OR5V1: variants seen among roughly 807,000 people sequenced by gnomAD.
OR5V1 encodes olfactory receptor 5V1.
For synonymous variants in OR5V1, 134 were observed against 143.2 expected, an observed-to-expected ratio of 0.94 and a Z score of 0.46; for missense variants, 365 against 371.5, an observed-to-expected ratio of 0.98 and a Z score of 0.14.
chr6:29,355,986 G>T lies in OR5V1; in HGVS notation c.210C>A (p.Asp70Glu). The stretch of plus-strand genomic sequence containing the variant: ...GGACATTGCTGGTGGTGTAGCAGAT[G>T]TCAATAAAGGCCAAGTTCCCTAGAA... ...YYFLGNLAFI[D>E]ICYTTSNVPQ... The change falls in exon 2 of 2, where the codon GAC becomes GAA. Residue 70 changes from aspartate (D) to glutamate (E), a missense_variant. Transcript: ENST00000641768. The T allele has an allele frequency of 6.2e-7, 1 of 1,614,048 alleles. No individual in the cohort carries two copies. Among genetic ancestry groups the T allele is most frequent in the South Asian group, 1.1e-5 (1 of 91,082 alleles).
At chr6:29,357,510 A>G (rs566129140) in intron 1 of OR5V1, among the ~76,000 whole-genome samples, 2 of 152,294 alleles carry the variant, frequency 1.3e-5, no homozygotes, top group South Asian at 4.1e-4. Flanking sequence ...CGTTCATACA[A>G]CTGAATTATT....
chr6:29,355,852 A>G lies in OR5V1; in HGVS notation c.344T>C (p.Leu115Pro), dbSNP rs778522183. The G allele has an allele frequency of 6.2e-7, 1 of 1,614,068 alleles. No homozygotes were observed. Among genetic ancestry groups the G allele is most frequent in the South Asian group, 1.1e-5 (1 of 91,084 alleles). ...VFFVGSECLL[L>P]AAMAYDRYIA... is the part of the protein sequence containing the mutation. ...GTAACGATCATATGCCATTGCTGCC[A>G]GTAGGAGACACTCTGATCCTACAAA... is the stretch of plus-strand genomic sequence containing the variant. Residue 115 changes from leucine to proline, a missense_variant, in exon 2 of 2, where the codon CTG (leucine) becomes CCG (proline). Coordinates refer to ENST00000641768, the MANE Select transcript of OR5V1 (RefSeq NM_030876.6).
chr6:29,355,406 A>G lies in OR5V1; in HGVS notation c.790T>C (p.Ser264Pro). 6.2e-7 allele frequency: 1 copy of G among 1,614,030 alleles called. No homozygotes were observed. The highest frequency in any genetic ancestry group is 8.5e-7 in the Non-Finnish European group (1 of 1,179,888). ...CTATCTTTCTTTAATGAGTAAGTTG[A>G]GATGGGCCGTACATATGTAAAGATG... ...SAIFTYVRPI[S>P]TYSLKKDRLV... Residue 264 changes from serine (S) to proline (P), a missense_variant, in exon 2 of 2, where the codon TCA (serine) becomes CCA (proline). Physicochemically the swap from Ser to Pro is moderately conservative, Grantham distance 74. Transcript: ENST00000641768.
chr6:29,362,064 A>C (rs1778588850), intron 1 of OR5V1, among the ~76,000 whole-genome samples: 1 of 152,218 alleles, frequency 6.6e-6, no homozygotes, highest in South Asian at 2.1e-4. Flanking sequence ...AGACACACAT[A>C]GGCTCAAAAC....
At chr6:29,366,871 C>T (rs146731552) in intron 1 of OR5V1, among the ~76,000 whole-genome samples, 51 of 152,274 alleles carry the variant, frequency 3.3e-4, no homozygotes, top group African/African-American at 1.2e-3. Flanking sequence ...GCCCACCTCC[C>T]TTCTCAGGGT....
rs759953576 is a variant in OR5V1 at position 29,355,682 on chromosome 6, T to A, written c.514A>T (p.Asn172Tyr). ...TCACAGAAGAAGTAATTAATCTGAT[T>A]GTTGCCACAGAAGGGCAGGCAGAAT... is the stretch of plus-strand genomic sequence containing the variant. The part of the protein sequence containing the change: ...LTFCLPFCGN[N>Y]QINYFFCDIP... The change falls in exon 2 of 2, where the codon AAT becomes TAT. Residue 172 changes from asparagine to tyrosine, a missense_variant. Physicochemically the swap from Asn to Tyr is moderately radical, Grantham distance 143. Coordinates refer to ENST00000641768, the MANE Select transcript of OR5V1 (RefSeq NM_030876.6). 6.2e-7 allele frequency: 1 copy of A among 1,614,042 alleles called. No individual in the cohort carries two copies. The highest frequency in any genetic ancestry group is 1.1e-5 in the South Asian group (1 of 91,076).
At chr6:29,363,216 C>T (rs907868010) in intron 1 of OR5V1, among the ~76,000 whole-genome samples, 1 of 152,112 alleles carries the variant, frequency 6.6e-6, no homozygotes, top group Admixed American at 6.6e-5. Context: ...GGATAAATTC[C>T]TGGACACATA....
rs371595216 is a variant in OR5V1 at position 29,355,345 on chromosome 6, A to G, written c.851T>C (p.Met284Thr). The G allele has an allele frequency of 1.3e-5, 21 of 1,614,020 alleles. No homozygotes were observed. The highest frequency in any genetic ancestry group is 1.8e-5 in the Non-Finnish European group (21 of 1,179,892). The change falls in exon 2 of 2, where the codon ATG becomes ACG. Residue 284 changes from methionine (M) to threonine (T), a missense_variant. Coordinates refer to ENST00000641768, the MANE Select transcript of OR5V1 (RefSeq NM_030876.6). ...VSVLYSVVTP[M>T]LNPIIYTLRN... is the part of the protein sequence containing the mutation. Reference sequence around the variant, plus strand: ...CAATGTGTAAATTATAGGGTTTAGCATGGGGGTAACAACACTGTACAACAC... The same window carrying G: ...CAATGTGTAAATTATAGGGTTTAGCGTGGGGGTAACAACACTGTACAACAC...
chr6:29,359,291 T>C (rs1179446093), intron 1 of OR5V1, among the ~76,000 whole-genome samples: 1 of 152,114 alleles, frequency 6.6e-6, no homozygotes, highest in Non-Finnish European at 1.5e-5. Context: ...GAAAGAGACA[T>C]ATTATGTCCA....
At chr6:29,367,836 A>G (rs1778927073) in intron 1 of OR5V1, among the ~76,000 whole-genome samples, 1 of 152,186 alleles carries the variant, frequency 6.6e-6, no homozygotes, top group South Asian at 2.1e-4. Context: ...TTATAGGAAA[A>G]TTACTGCTTT....
At chr6:29,361,402 T>C (rs926419413) in intron 1 of OR5V1, among the ~76,000 whole-genome samples, 1 of 151,690 alleles carries the variant, frequency 6.6e-6, no homozygotes, top group Non-Finnish European at 1.5e-5. Context: ...GCAAGACAGG[T>C]CAACATCCAA....
In OR5V1 at chr6:29,355,895, G is replaced by A. The variant is rs1778268947; in HGVS notation, c.301C>T (p.Leu101Phe). 1 of 1,614,026 alleles carries A rather than the reference G, an allele frequency of 6.2e-7. No homozygotes were observed. Residue 101 changes from leucine to phenylalanine, a missense_variant, in exon 2 of 2, where the codon CTT (leucine) becomes TTT (phenylalanine). Physicochemically the swap from Leu to Phe is conservative, Grantham distance 22. Coordinates refer to ENST00000641768, the MANE Select transcript of OR5V1 (RefSeq NM_030876.6). ...SISYVGCVVQ[L>F]FAFVFFVGSE... is the part of the protein sequence containing the mutation. ...CCTACAAAGAAAACAAATGCAAAAA[G>A]TTGAACCACACACCCCACATAAGAA...
rs1321061835 is a variant in OR5V1, at chr6:29,356,238, C to T, written c.-43G>A. The T allele has an allele frequency of 7.9e-6, 12 of 1,525,860 alleles. No homozygotes were observed. Among genetic ancestry groups the T allele is most frequent in the African/African-American group, 2.8e-5 (2 of 71,760 alleles). The allele number at this position is 1,525,860 out of a possible 1,614,324, so 94.5% of individuals were successfully genotyped here. The stretch of plus-strand genomic sequence containing the variant: ...TTTCAGGAATTGGGCAAAGAGAAGA[C>T]CAGATTATAAAAATGAATCATATGC... On this transcript the variant is annotated 5_prime_UTR_variant, in exon 2 of 2. Transcript: ENST00000641768.
chr6:29,356,253 G>A lies in OR5V1; in HGVS notation c.-58C>T. ...AAAGAGAAGACCAGATTATAAAAAT[G>A]AATCATATGCTGCAATAGCATGACC... On this transcript the variant is annotated 5_prime_UTR_variant, in exon 2 of 2. Coordinates refer to ENST00000641768, the MANE Select transcript of OR5V1 (RefSeq NM_030876.6). The A allele has an allele frequency of 6.6e-7, 1 of 1,513,614 alleles. No homozygotes were observed. The highest frequency in any genetic ancestry group is 8.8e-7 in the Non-Finnish European group (1 of 1,133,674). 93.8% of individuals were successfully genotyped at this position (1,513,614 alleles called of 1,614,324 possible). A position where few individuals can be genotyped will look rare whatever the true frequency, so the allele number is the denominator to read the frequency against.
At chr6:29,367,984 G>A (rs770649388) in intron 1 of OR5V1, among the ~76,000 whole-genome samples, 1 of 152,034 alleles carries the variant, frequency 6.6e-6, no homozygotes, top group Non-Finnish European at 1.5e-5. Context: ...ACAAGGAGAG[G>A]CCCCCAGAAA....
Position 29,356,292 on chromosome 6 carries a change from A to C in OR5V1, c.-82-15T>G. On this transcript the variant is annotated splice_polypyrimidine_tract_variant and intron_variant, in intron 1 of 1. Coordinates refer to ENST00000641768, the MANE Select transcript of OR5V1 (RefSeq NM_030876.6). ...AATAGCATGACCTGAAAAATAAGGGAAAAAACGGTTACAAATAAAAGTAAT... is the reference window on the plus strand; with the variant it reads ...AATAGCATGACCTGAAAAATAAGGGCAAAAACGGTTACAAATAAAAGTAAT... The C allele has an allele frequency of 3.6e-6, 5 of 1,379,320 alleles. No homozygotes were observed. Among genetic ancestry groups the C allele is most frequent in the Non-Finnish European group, 3.9e-6 (4 of 1,024,374 alleles). 85.4% of individuals were successfully genotyped at this position (1,379,320 alleles called of 1,614,324 possible).
chr6:29,364,877 C>T (rs576574351), intron 1 of OR5V1, among the ~76,000 whole-genome samples: 6 of 148,502 alleles, frequency 4.0e-5, no homozygotes, highest in Non-Finnish European at 8.9e-5. Flanking sequence ...TACAAGGCTA[C>T]AGTAACCAAA....
chr6:29,366,495 CA>C (rs1778862946), intron 1 of OR5V1, among the ~76,000 whole-genome samples: 1 of 151,958 alleles, frequency 6.6e-6, no homozygotes, highest in African/African-American at 2.4e-5. Context: ...AACACATCAG[CA>C]TATAGAGGAT....
Position 29,355,582 on chromosome 6 carries a change from A to G in OR5V1, c.614T>C (p.Phe205Ser), listed in dbSNP as rs758391144. ...ACAAAGGAAAGGAGTCCAACCAATG[A>G]AGACCCCAGTGGATAGCAGTGCCAA... ...NELALLSTGV[F>S]IGWTPFLCIV... Residue 205 changes from phenylalanine (F) to serine (S), a missense_variant, in exon 2 of 2, where the codon TTC (phenylalanine) becomes TCC (serine). Transcript: ENST00000641768. 79 of 1,614,006 alleles carry G rather than the reference A, an allele frequency of 4.9e-5. No individual in the cohort carries two copies. The highest frequency in any genetic ancestry group is 2.6e-4 in the South Asian group (24 of 91,072).
Sources: allele counts gnomAD v4.1 joint callset (sites outside exome capture counted in the v4.1 genomes callset), GRCh38; gene constraint gnomAD v4.1.1; transcripts MANE v1.5; gene names NCBI Gene and HGNC (gene_info 2026-07-23, HGNC 2026-07-21).